The following PACSIN3 variants were observed in gnomAD, a reference collection of about 807,000 sequenced individuals.
PACSIN3 encodes protein kinase C and casein kinase substrate in neurons 3, also known as protein kinase C and casein kinase substrate in neurons protein 3.
In PACSIN3, 34 loss-of-function variants were observed where a neutral mutation model predicts 56.1. The ratio of observed to expected loss-of-function variants is 0.61; its 90% CI spans 0.46 to 0.81. PACSIN3 has a LOEUF of 0.81. Ranked by LOEUF, PACSIN3 falls within the 30% of genes least tolerant of loss-of-function variation. PACSIN3 has a pLI of 0.00. For synonymous variants in PACSIN3, 218 were observed against 229.8 expected (o/e 0.95, Z 0.46); for missense variants, 535 against 592.4 (o/e 0.90, Z 1.01).
At chr11:47,185,442 G>A (rs1472177486) in intron 1 of PACSIN3, 1 of 151,010 alleles carries the variant, frequency 6.6e-6, no homozygotes, top group African/African-American at 2.5e-5. Context: ...GCAGCTCTAG[G>A]ATTTGAGGAC....
chr11:47,179,061 G>A lies in PACSIN3; in HGVS notation c.901-31C>T. 1 of 1,614,002 alleles carries A rather than the reference G, an allele frequency of 6.2e-7. No homozygotes were observed. Among genetic ancestry groups the A allele is most frequent in the East Asian group, 2.2e-5 (1 of 44,882 alleles). On this transcript the variant is annotated intron_variant, in intron 8 of 10. Transcript: ENST00000298838. The surrounding 1 kb of genome is among the most constrained non-coding windows in gnomAD (Gnocchi z 4.4). Reference sequence around the variant, plus strand: ...GGGACAGTGCTTATAGTCAGGTGGGGCCATCTGAACCACCTTCACTTACTT... The same window carrying A: ...GGGACAGTGCTTATAGTCAGGTGGGACCATCTGAACCACCTTCACTTACTT...
intron 2 of PACSIN3, 65 bp downstream of exon 2, chr11:47,182,939 G>T (rs1390223677): frequency 2.0e-6 from 1 of 501,974 alleles, no homozygotes; most frequent in Admixed American, 4.0e-5. Flanking sequence ...CAGGATGGGT[G>T]AGGATGGAGT....
Position 47,179,678 on chromosome 11 carries a change from AC to A in PACSIN3, c.604-93del. ...ACCAGACACTGCCATAGGCTGCTAG[AC>A]CCAGGGCTAGCCACTAGGGGCAATC... On this transcript the variant is annotated intron_variant, in intron 6 of 10. Transcript: ENST00000298838. This position sits in a 1 kb window ranked among gnomAD's most constrained non-coding sequence, Gnocchi z 4.4. 11 of 1,280,674 alleles carry A rather than the reference AC, an allele frequency of 8.6e-6. No homozygotes were observed. Among genetic ancestry groups the A allele is most frequent in the Non-Finnish European group, 1.2e-5 (11 of 931,222 alleles). The allele number at this position is 1,280,674 out of a possible 1,614,324, so 79.3% of individuals were successfully genotyped here.
rs749309757 is a variant in PACSIN3 at position 47,178,617 on chromosome 11, T to G, written c.1038-130A>C. 48 of 1,239,082 alleles carry G rather than the reference T, an allele frequency of 3.9e-5. No individual in the cohort carries two copies. The highest frequency in any genetic ancestry group is 4.1e-4 in the Middle Eastern group (2 of 4,830). The allele number at this position is 1,239,082 out of a possible 1,614,324, so 76.8% of individuals were successfully genotyped here. A position where few individuals can be genotyped will look rare whatever the true frequency, so the allele number is the denominator to read the frequency against. On this transcript the variant is annotated intron_variant, in intron 9 of 10. Coordinates refer to ENST00000298838, the MANE Select transcript of PACSIN3 (RefSeq NM_016223.5). This position sits in a 1 kb window ranked among gnomAD's most constrained non-coding sequence, Gnocchi z 4.2. ...GGAGAGTCAGGTGAGGTACTAAAGA[T>G]TCTAGCTCTACCTCGCCATGCCCGA... is the stretch of plus-strand genomic sequence containing the variant.
chr11:47,178,993 TTCCGGCTGATTGTCCTCTGTGTG>T lies in PACSIN3; in HGVS notation c.915_937del (p.Asp305GlufsTer9), dbSNP rs986790897. 4 of 1,613,990 alleles carry T rather than the reference TTCCGGCTGATTGTCCTCTGTGTG, an allele frequency of 2.5e-6. No individual in the cohort carries two copies. Among genetic ancestry groups the T allele is most frequent in the African/African-American group, 1.3e-5 (1 of 74,928 alleles). ...ATCAGGGCTCCGGCCACCCTTCTCT[TTCCGGCTGATTGTCCTCTGTGTG>T]TCCAAGGACCACTCCTGTGGGGACA... On this transcript the variant is annotated frameshift_variant, in exon 9 of 11. Coordinates refer to ENST00000298838, the MANE Select transcript of PACSIN3 (RefSeq NM_016223.5). LOFTEE classifies it high-confidence loss of function. This position sits in a 1 kb window ranked among gnomAD's most constrained non-coding sequence, Gnocchi z 4.2.
intron 1 of PACSIN3, among the ~76,000 whole-genome samples, chr11:47,185,106 C>T (rs544077307): frequency 6.6e-6 from 1 of 152,252 alleles, no homozygotes; most frequent in Non-Finnish European, 1.5e-5. Context: ...TCAGTCCCCA[C>T]CGCAGGCAAG....
In PACSIN3 at chr11:47,178,276, T is replaced by C. The variant is rs1952929030; in HGVS notation, c.1159+90A>G. ...AGCTGAAGGGACAGAGGACTGGCCC[T>C]TAAGAAGTGGGTATTTGGCTTCCCT... On this transcript the variant is annotated intron_variant, in intron 10 of 10. Transcript: ENST00000298838. This position sits in a 1 kb window ranked among gnomAD's most constrained non-coding sequence, Gnocchi z 4.2. The C allele has an allele frequency of 6.5e-7, 1 of 1,526,940 alleles. No individual in the cohort carries two copies. 94.6% of individuals were successfully genotyped at this position (1,526,940 alleles called of 1,614,324 possible).
Position 47,178,744 on chromosome 11 carries a change from A to G in PACSIN3, c.1037+150T>C, listed in dbSNP as rs1379093756. 5 of 883,870 alleles carry G rather than the reference A, an allele frequency of 5.7e-6. No homozygotes were observed. Among genetic ancestry groups the G allele is most frequent in the Non-Finnish European group, 6.8e-6 (4 of 585,566 alleles). 54.8% of individuals were successfully genotyped at this position (883,870 alleles called of 1,614,324 possible). ...GCAAATCTAAACCACTATGAGAACC[A>G]GTATCATTACAACTACTAAGTAGGC... On this transcript the variant is annotated intron_variant, in intron 9 of 10. Coordinates refer to ENST00000298838, the MANE Select transcript of PACSIN3 (RefSeq NM_016223.5). The surrounding 1 kb of genome is among the most constrained non-coding windows in gnomAD (Gnocchi z 4.2).
chr11:47,180,606 C>T lies in PACSIN3; in HGVS notation c.296G>A (p.Arg99Gln), dbSNP rs760112750. The T allele has an allele frequency of 8.1e-6, 13 of 1,605,132 alleles. No homozygotes were observed. The highest frequency in any genetic ancestry group is 5.0e-5 in the Admixed American group (3 of 59,990). ...ERLSALHLEVREKLQGQDSER... is the reference protein window; with the variant it reads ...ERLSALHLEVQEKLQGQDSER... ...ACTGTCCTGCCCTTGCAGCTTCTCC[C>T]GCACCTCCAGGTGCAGCGCGCTCAG... The change falls in exon 5 of 11, where the codon CGG becomes CAG. Residue 99 changes from arginine to glutamine, a missense_variant. Arg to Gln is a conservative substitution (Grantham distance 43). Coordinates refer to ENST00000298838, the MANE Select transcript of PACSIN3 (RefSeq NM_016223.5).
rs767680885 is a variant in PACSIN3, at chr11:47,182,756, G to A, written c.-29C>T. 3 of 1,601,198 alleles carry A rather than the reference G, an allele frequency of 1.9e-6. No homozygotes were observed. Among genetic ancestry groups the A allele is most frequent in the Non-Finnish European group, 2.6e-6 (3 of 1,174,842 alleles). ...GTCCCCGCAGCACGGAATGGTGGCG[G>A]ATTTGGGGCTGTGGAGGGCAGAGGG... On this transcript the variant is annotated 5_prime_UTR_variant, in exon 3 of 11. Coordinates refer to ENST00000298838, the MANE Select transcript of PACSIN3 (RefSeq NM_016223.5).
chr11:47,179,267 G>T lies in PACSIN3; in HGVS notation c.792C>A (p.Leu264=), dbSNP rs141460458. The change falls in exon 8 of 11, where the codon CTC becomes CTA. Residue 264 remains leucine, a synonymous_variant. Transcript: ENST00000298838. The surrounding 1 kb of genome is among the most constrained non-coding windows in gnomAD (Gnocchi z 4.4). ...CAATGCCCTGGTGCAAGTCACGGTGGAGTTCATGGAACCTATGACCCAAGG... is the reference window on the plus strand; with the variant it reads ...CAATGCCCTGGTGCAAGTCACGGTGTAGTTCATGGAACCTATGACCCAAGG... ...DLSSSEKFHE[L]HRDLHQGIEA... 4.8e-5 allele frequency: 78 copies of T among 1,613,922 alleles called. No individual in the cohort carries two copies. The highest frequency in any genetic ancestry group is 6.5e-5 in the Non-Finnish European group (77 of 1,180,032).
Position 47,177,895 on chromosome 11 carries a change from G to A in PACSIN3, c.*36C>T. 1 of 1,515,290 alleles carries A rather than the reference G, an allele frequency of 6.6e-7. No individual in the cohort carries two copies. Among genetic ancestry groups the A allele is most frequent in the Non-Finnish European group, 9.2e-7 (1 of 1,090,274 alleles). The allele number at this position is 1,515,290 out of a possible 1,614,324, so 93.9% of individuals were successfully genotyped here. A position where few individuals can be genotyped will look rare whatever the true frequency, so the allele number is the denominator to read the frequency against. On this transcript the variant is annotated 3_prime_UTR_variant, in exon 11 of 11. Coordinates refer to ENST00000298838, the MANE Select transcript of PACSIN3 (RefSeq NM_016223.5). The stretch of plus-strand genomic sequence containing the variant: ...CCAGGAGAAGCTGGGCTCTGAACCA[G>A]GGTGGGTAAACGTTGCAGAAGGGCT...
chr11:47,178,573 C>T lies in PACSIN3; in HGVS notation c.1038-86G>A. 1 of 1,518,812 alleles carries T rather than the reference C, an allele frequency of 6.6e-7. No individual in the cohort carries two copies. The highest frequency in any genetic ancestry group is 8.9e-7 in the Non-Finnish European group (1 of 1,126,108). 94.1% of individuals were successfully genotyped at this position (1,518,812 alleles called of 1,614,324 possible). ...ACCCAGGATCAGGGCAAAGGCCTCC[C>T]TACCCCCAGAGGCACCTGGGAGAGT... On this transcript the variant is annotated intron_variant, in intron 9 of 10. Transcript: ENST00000298838. The surrounding 1 kb of genome is among the most constrained non-coding windows in gnomAD (Gnocchi z 4.2).
Position 47,178,929 on chromosome 11 carries a change from G to A in PACSIN3, c.1002C>T (p.Gly334=), listed in dbSNP as rs747808277. ...CCGGGGACTGGGGTGGGGGTGCGGT[G>A]CCATCTCTTGTAGGCACAATGCTGG... ...TLTSIVPTRD[G]TAPPPQSPGS... The change falls in exon 9 of 11, where the codon GGC becomes GGT. Residue 334 remains glycine (G), a synonymous_variant. Transcript: ENST00000298838. The surrounding 1 kb of genome is among the most constrained non-coding windows in gnomAD (Gnocchi z 4.2). The A allele has an allele frequency of 1.9e-6, 3 of 1,614,028 alleles. No homozygotes were observed. In the East Asian group the frequency reaches 6.7e-5, roughly 36 times the overall value.
chr11:47,179,746 C>A lies in PACSIN3; in HGVS notation c.604-160G>T. Reference sequence around the variant, plus strand: ...TCCTGCCCTCAAGGACCCCAGCAGCCTAACAAGGGAGGTGACATCAGGCAC... The same window carrying A: ...TCCTGCCCTCAAGGACCCCAGCAGCATAACAAGGGAGGTGACATCAGGCAC... On this transcript the variant is annotated intron_variant, in intron 6 of 10. Coordinates refer to ENST00000298838, the MANE Select transcript of PACSIN3 (RefSeq NM_016223.5). The surrounding 1 kb of genome is among the most constrained non-coding windows in gnomAD (Gnocchi z 4.4). 1 of 634,326 alleles carries A rather than the reference C, an allele frequency of 1.6e-6. No homozygotes were observed. The highest frequency in any genetic ancestry group is 2.7e-5 in the East Asian group (1 of 36,502). 39.3% of individuals were successfully genotyped at this position (634,326 alleles called of 1,614,324 possible). A position where few individuals can be genotyped will look rare whatever the true frequency, so the allele number is the denominator to read the frequency against.
At position 47,178,618 on chromosome 11, in the gene PACSIN3, T is replaced by C; in HGVS notation, c.1038-131A>G. On this transcript the variant is annotated intron_variant, in intron 9 of 10. Transcript: ENST00000298838. This position sits in a 1 kb window ranked among gnomAD's most constrained non-coding sequence, Gnocchi z 4.2. ...GAGAGTCAGGTGAGGTACTAAAGAT[T>C]CTAGCTCTACCTCGCCATGCCCGAC... 1 of 1,232,458 alleles carries C rather than the reference T, an allele frequency of 8.1e-7. No homozygotes were observed. The allele number at this position is 1,232,458 out of a possible 1,614,324, so 76.3% of individuals were successfully genotyped here. A position where few individuals can be genotyped will look rare whatever the true frequency, so the allele number is the denominator to read the frequency against.
At chr11:47,184,488 TC>T (rs1240621295) in intron 1 of PACSIN3, 2 of 152,210 alleles carry the variant, frequency 1.3e-5, no homozygotes, top group East Asian at 3.8e-4. Flanking sequence ...GATTTGTGTG[TC>T]CCCACGCGCT....
intron 4 of PACSIN3, among the ~76,000 whole-genome samples, chr11:47,181,746 G>A (rs1953029305): frequency 6.6e-6 from 1 of 152,164 alleles, no homozygotes; most frequent in Non-Finnish European, 1.5e-5. Context: ...GGCTGAGGTG[G>A]GAGGATCAGT....
Position 47,178,993 on chromosome 11 carries a change from T to C in PACSIN3, c.938A>G (p.Lys313Arg). 6.2e-7 allele frequency: 1 copy of C among 1,614,108 alleles called. No homozygotes were observed. The stretch of plus-strand genomic sequence containing the variant: ...ATCAGGGCTCCGGCCACCCTTCTCT[T>C]TCCGGCTGATTGTCCTCTGTGTGTC... ...SLDTQRTISR[K>R]EKGGRSPDEV... The change falls in exon 9 of 11, where the codon AAA becomes AGA. Residue 313 changes from lysine (K) to arginine (R), a missense_variant. Physicochemically the swap from Lys to Arg is conservative, Grantham distance 26 (BLOSUM62 2). Coordinates refer to ENST00000298838, the MANE Select transcript of PACSIN3 (RefSeq NM_016223.5). The surrounding 1 kb of genome is among the most constrained non-coding windows in gnomAD (Gnocchi z 4.2).
Sources: gnomAD v4.1 joint callset for allele counts (sites outside exome capture counted in the v4.1 genomes callset) on GRCh38, gnomAD v4.1.1 for gene constraint, Gnocchi (gnomAD v3.1) non-coding constraint, MANE v1.5 for transcripts, NCBI Gene and HGNC (gene_info 2026-07-23, HGNC 2026-07-21) for gene names.